Variants in RSF1 observed in about 807,000 individuals in gnomAD.
RSF1 encodes the protein HBV pX-associated protein 8.
In RSF1, 13 loss-of-function variants were observed where a neutral mutation model predicts 145.2. That is an observed-to-expected ratio of 0.09 (90% CI 0.06 to 0.14). The LOEUF (loss-of-function observed/expected upper bound fraction) is 0.14, where lower values mean the gene tolerates loss of function less well. RSF1 is among the 10% of genes least tolerant of loss of function. The probability of loss-of-function intolerance (pLI) is 1.00; values close to 1 mark genes in which losing one functional copy is unlikely to be tolerated. For missense variants in RSF1, 1,517 were observed against 1,718.2 expected (o/e 0.88, Z 2.07); for synonymous variants, 577 against 592.6 (o/e 0.97, Z 0.38).
At chr11:77,788,142 CAAAAAAAAAAA>C (rs66595170) in intron 1 of RSF1, among the ~76,000 whole-genome samples, 9 of 3,430 alleles carry the variant, frequency 2.6e-3, no homozygotes, top group Non-Finnish European at 8.5e-3. Context: ...GACACTATCT[CAAAAAAAAAAA>C]AAAAAAAAAA....
intron 1 of RSF1, among the ~76,000 whole-genome samples, chr11:77,816,563 C>T (rs182492377): frequency 4.2e-4 from 64 of 152,298 alleles, no homozygotes; most frequent in African/African-American, 1.5e-3. Context: ...CTATGAGAAT[C>T]CTAACACATT....
At chr11:77,820,235 G>C (rs113680047) in intron 1 of RSF1, among the ~76,000 whole-genome samples, 52,954 of 152,002 alleles carry the variant, frequency 0.35, 9,408 homozygotes, top group East Asian at 0.46. Context: ...GCAGTCCCCG[G>C]GGCTGCCGAC....
chr11:77,761,545 G>C (rs1425429474), intron 2 of RSF1, among the ~76,000 whole-genome samples: 2 of 152,314 alleles, frequency 1.3e-5, no homozygotes, highest in African/African-American at 4.8e-5. Context: ...AGTAGAAGTA[G>C]AGGTGCAGGT....
intron 2 of RSF1, among the ~76,000 whole-genome samples, chr11:77,761,122 G>A (rs1314551981): frequency 6.6e-6 from 1 of 151,972 alleles, no homozygotes; most frequent in Admixed American, 6.6e-5. Flanking sequence ...TGTATTTTCA[G>A]TAGGGACGGG....
At chr11:77,761,010 C>CTCCGCCTCCCTGCAACT (rs1323564325) in intron 2 of RSF1, among the ~76,000 whole-genome samples, 3 of 152,038 alleles carry the variant, frequency 2.0e-5, no homozygotes, top group Admixed American at 6.6e-5. Context: ...TCACTGCAAC[C>CTCCGCCTCCCTGCAACT]TCCGCCTCCC....
At chr11:77,853,817 T>G in the RSF1 span, among the ~76,000 whole-genome samples, 3 of 151,862 alleles carry the variant, frequency 2.0e-5, no homozygotes, top group African/African-American at 7.3e-5. Context: ...GGTGCACCCC[T>G]GTAATCCCAG....
At chr11:77,830,329 C>CCATG in the RSF1 span, among the ~76,000 whole-genome samples, 1 of 152,172 alleles carries the variant, frequency 6.6e-6, no homozygotes, top group South Asian at 2.1e-4. Flanking sequence ...TGTGGGCAAA[C>CCATG]TGATACTGCC....
At chr11:77,838,998 T>C in the RSF1 span, among the ~76,000 whole-genome samples, 1 of 152,186 alleles carries the variant, frequency 6.6e-6, no homozygotes, top group East Asian at 1.9e-4. Context: ...TTATTGAGAT[T>C]CTGTATTTGC....
At chr11:77,832,640 A>C in the RSF1 span, among the ~76,000 whole-genome samples, 1 of 151,006 alleles carries the variant, frequency 6.6e-6, no homozygotes, top group Non-Finnish European at 1.5e-5. Context: ...AGGAACTTTT[A>C]TATTTATTCT....
the RSF1 span, among the ~76,000 whole-genome samples, chr11:77,860,982 G>T: frequency 1.3e-5 from 2 of 152,284 alleles, no homozygotes; most frequent in Middle Eastern, 3.4e-3. Flanking sequence ...TTACTAGGCC[G>T]TGGGCTTTTA....
At chr11:77,857,687 A>G in the RSF1 span, among the ~76,000 whole-genome samples, 1 of 150,310 alleles carries the variant, frequency 6.7e-6, no homozygotes, top group East Asian at 1.9e-4. Flanking sequence ...CTATCAACCC[A>G]TCAACTAAGT....
intron 5 of RSF1, among the ~76,000 whole-genome samples, chr11:77,713,992 A>G (rs1960748004): frequency 6.6e-6 from 1 of 152,186 alleles, no homozygotes; most frequent in Admixed American, 6.5e-5. Flanking sequence ...CTTTTAGAAA[A>G]AAGTCATTTT....
intron 4 of RSF1, chr11:77,735,029 C>T (rs552819458): frequency 1.6e-5 from 25 of 1,519,084 alleles, no homozygotes; most frequent in East Asian, 6.7e-5. Context: ...GTCCTCATGG[C>T]GGCGACTAAG....
intron 2 of RSF1, among the ~76,000 whole-genome samples, chr11:77,750,567 T>A (rs1402998006): frequency 3.9e-5 from 6 of 152,234 alleles, no homozygotes; most frequent in Non-Finnish European, 4.4e-5. Flanking sequence ...TGAGCTATAA[T>A]CTGCCTAGGG....
intron 1 of RSF1, among the ~76,000 whole-genome samples, chr11:77,772,615 C>T (rs1038669842): frequency 1.3e-5 from 2 of 152,044 alleles, no homozygotes; most frequent in African/African-American, 4.8e-5. Flanking sequence ...GGGGTGCAAA[C>T]ATTGAATTTG....
the RSF1 span, among the ~76,000 whole-genome samples, chr11:77,863,788 G>T: frequency 6.6e-6 from 1 of 151,712 alleles, no homozygotes; most frequent in African/African-American, 2.4e-5. Context: ...GCACTGAGAT[G>T]ACAGGTGTGA....
chr11:77,735,200 G>C (rs1427301466), intron 4 of RSF1, among the ~76,000 whole-genome samples: 1 of 152,284 alleles, frequency 6.6e-6, no homozygotes, highest in East Asian at 1.9e-4. Context: ...TGTTGAAGCA[G>C]GAAACCCCGA....
At chr11:77,767,905 G>C (rs1397282082) in intron 1 of RSF1, among the ~76,000 whole-genome samples, 1 of 152,108 alleles carries the variant, frequency 6.6e-6, no homozygotes, top group Non-Finnish European at 1.5e-5. Flanking sequence ...AAATAAAAGT[G>C]AATAAATGTT....
intron 4 of RSF1, among the ~76,000 whole-genome samples, chr11:77,735,537 G>A (rs753912530): frequency 1.3e-5 from 2 of 151,874 alleles, no homozygotes; most frequent in African/African-American, 4.8e-5. Context: ...GTAGAAACAC[G>A]TTTCCAACAC....
Sources: gnomAD v4.1 joint callset for allele counts (sites outside exome capture counted in the v4.1 genomes callset) on GRCh38, gnomAD v4.1.1 for gene constraint, MANE v1.5 for transcripts, NCBI Gene and HGNC (gene_info 2026-07-23, HGNC 2026-07-21) for gene names.